Variants in SLC8A2 observed in about 807,000 individuals in gnomAD.
SLC8A2 encodes the protein solute carrier family 8 member A2.
SLC8A2 carries 14 observed loss-of-function variants against 70.2 expected under a neutral mutation model. The observed-to-expected ratio is 0.20, with a 90% CI of 0.13 to 0.31. SLC8A2 has a LOEUF of 0.31. Ranked by LOEUF, SLC8A2 falls within the 10% of genes least tolerant of loss-of-function variation. The pLI, the probability that SLC8A2 is intolerant of heterozygous loss-of-function variation, is 1.00. For synonymous variants in SLC8A2, 575 were observed against 594.3 expected, an observed-to-expected ratio of 0.97 and a Z score of 0.47; for missense variants, 779 against 1,320.1, an observed-to-expected ratio of 0.59 and a Z score of 6.35.
chr19:47,433,368 T>G (rs940508997), intron 8 of SLC8A2, among the ~76,000 whole-genome samples: 2 of 152,104 alleles, frequency 1.3e-5, no homozygotes, highest in Admixed American at 1.3e-4. Context: ...TAGCAACAGC[T>G]ATGGCCTCAG....
In SLC8A2 at chr19:47,439,326, G is replaced by T. The variant is rs192424908; in HGVS notation, c.1886-1353C>A. Among the ~76,000 whole-genome samples, 256 of 152,162 alleles carry T rather than the reference G, an allele frequency of 1.7e-3. 1 individual carries two copies. Among genetic ancestry groups the T allele is most frequent in the African/African-American group, 5.8e-3 (242 of 41,544 alleles). On this transcript the variant is annotated intron_variant, in intron 6 of 9. Transcript: ENST00000236877. ...GTGGATCACCTGAGGTCAGGAGTTC[G>T]AGACCAGCCTGGCCAACATGGTGAA...
At chr19:47,449,774 G>A (rs1447840725) in intron 3 of SLC8A2, among the ~76,000 whole-genome samples, 3 of 152,154 alleles carry the variant, frequency 2.0e-5, no homozygotes, top group Admixed American at 2.0e-4. Context: ...GAGGGAGCCA[G>A]GACGAGAGGG....
Position 47,468,673 on chromosome 19 carries a change from C to T in SLC8A2, c.-16-2254G>A, listed in dbSNP as rs1967493708. Among the ~76,000 whole-genome samples the T allele has an allele frequency of 6.6e-6, 1 of 152,182 alleles. No individual in the cohort carries two copies. Among genetic ancestry groups the T allele is most frequent in the Admixed American group, 6.5e-5 (1 of 15,284 alleles). On this transcript the variant is annotated intron_variant, in intron 1 of 9. Coordinates refer to ENST00000236877, the MANE Select transcript of SLC8A2 (RefSeq NM_015063.3). This position sits in a 1 kb window ranked among gnomAD's most constrained non-coding sequence, Gnocchi z 5.1. ...TGTCAGCTTCCCCAAACACCCCATC[C>T]AAAATGACACCCTCCCCCTCTGGGG...
chr19:47,450,865 G>C (rs146274620), intron 3 of SLC8A2, among the ~76,000 whole-genome samples: 1 of 152,060 alleles, frequency 6.6e-6, no homozygotes, highest in Non-Finnish European at 1.5e-5. Context: ...ATTGATACAG[G>C]GGAAGCACCC....
chr19:47,444,440 C>T (rs1967135012), intron 4 of SLC8A2, among the ~76,000 whole-genome samples: 1 of 152,130 alleles, frequency 6.6e-6, no homozygotes, highest in South Asian at 2.1e-4. Context: ...TTTCAATTTT[C>T]TGTGGGTGGA....
At chr19:47,452,476 G>A (rs572229650) in intron 3 of SLC8A2, among the ~76,000 whole-genome samples, 3,210 of 147,406 alleles carry the variant, frequency 0.022, 166 homozygotes, top group African/African-American at 0.072. Flanking sequence ...GTGTGTGTGT[G>A]TGTGTGTGTG....
At position 47,428,595 on chromosome 19, in the gene SLC8A2, T is replaced by G. The variant is rs1966906890; in HGVS notation, c.*1494A>C. The G allele has an allele frequency of 6.6e-6, 1 of 152,606 alleles. No individual in the cohort carries two copies. Among genetic ancestry groups the G allele is most frequent in the Admixed American group, 6.6e-5 (1 of 15,262 alleles). The allele number at this position is 152,606 out of a possible 1,614,324, so 9.5% of individuals were successfully genotyped here. On this transcript the variant is annotated 3_prime_UTR_variant, in exon 10 of 10. Transcript: ENST00000236877. ...AACCCAGATTACTTGGTTTAACAGT[T>G]GCCCAAATCTCAGTCAGAGACCTTA...
chr19:47,428,187 A>AGGC lies in SLC8A2; in HGVS notation c.*1899_*1901dup. On this transcript the variant is annotated 3_prime_UTR_variant, in exon 10 of 10. Coordinates refer to ENST00000236877, the MANE Select transcript of SLC8A2 (RefSeq NM_015063.3). ...GTGGAAGCCCCTGACTGAAGCAGGA[A>AGGC]GGCGTGGCTGAAGCACGACTGATAA... The AGGC allele has an allele frequency of 6.8e-6, 1 of 146,700 alleles. No homozygotes were observed. Among genetic ancestry groups the AGGC allele is most frequent in the East Asian group, 2.1e-4 (1 of 4,820 alleles). 9.1% of individuals were successfully genotyped at this position (146,700 alleles called of 1,614,324 possible).
chr19:47,433,215 TAGA>T (rs1201461253), intron 8 of SLC8A2, among the ~76,000 whole-genome samples: 2 of 152,058 alleles, frequency 1.3e-5, no homozygotes, highest in Admixed American at 6.6e-5. Context: ...AGTCCACAGC[TAGA>T]AGTATTCACT....
At chr19:47,436,658 C>T (rs1967032519) in intron 8 of SLC8A2, among the ~76,000 whole-genome samples, 4 of 152,158 alleles carry the variant, frequency 2.6e-5, no homozygotes, top group African/African-American at 7.2e-5. Flanking sequence ...CCCTGAGCTC[C>T]GACCTCGGGC....
intron 3 of SLC8A2, among the ~76,000 whole-genome samples, chr19:47,456,213 A>C (rs1967301345): frequency 6.6e-6 from 1 of 152,214 alleles, no homozygotes; most frequent in South Asian, 2.1e-4. Context: ...AAACCACAGA[A>C]ATATAAAGAA....
Position 47,429,758 on chromosome 19 carries a change from A to T in SLC8A2, c.*331T>A. ...GGGTGACCAAGGAGAGAGACCTTAA[A>T]CTCCCCAGGATGGTTACTGGGGGTG... is the stretch of plus-strand genomic sequence containing the variant. On this transcript the variant is annotated 3_prime_UTR_variant, in exon 10 of 10. Transcript: ENST00000236877. 1 of 333,408 alleles carries T rather than the reference A, an allele frequency of 3.0e-6. No homozygotes were observed. Among genetic ancestry groups the T allele is most frequent in the Non-Finnish European group, 5.5e-6 (1 of 182,922 alleles). The allele number at this position is 333,408 out of a possible 1,614,324, so 20.7% of individuals were successfully genotyped here. A position where few individuals can be genotyped will look rare whatever the true frequency, so the allele number is the denominator to read the frequency against.
chr19:47,451,706 A>G, intron 3 of SLC8A2, among the ~76,000 whole-genome samples: 1 of 152,232 alleles, frequency 6.6e-6, no homozygotes, highest in Non-Finnish European at 1.5e-5. Flanking sequence ...AGTGGACATC[A>G]TGTTCCTCCT....
At chr19:47,452,397 G>GGAGAGAGAGAGAGA (rs56184564) in intron 3 of SLC8A2, among the ~76,000 whole-genome samples, 4 of 65,496 alleles carry the variant, frequency 6.1e-5, no homozygotes, top group Admixed American at 4.8e-4. Flanking sequence ...ATATATATAT[G>GGAGAGAGAGAGAGA]GAGAGAGAGA....
In SLC8A2 at chr19:47,465,933, C is replaced by T. The variant is rs775436662; in HGVS notation, c.471G>A (p.Ala157=). Residue 157 remains alanine (A), a synonymous_variant, in exon 2 of 10, where the codon GCG becomes GCA. Transcript: ENST00000236877. The surrounding 1 kb of genome is among the most constrained non-coding windows in gnomAD (Gnocchi z 5.5). ...VIEVCGHNFQ[A]GELGPGTIVG... is the part of the protein sequence containing the mutation. ...CGATGGTGCCTGGGCCCAGCTCACCCGCCTGGAAGTTGTGGCCGCAGACTT... is the reference window on the plus strand; with the variant it reads ...CGATGGTGCCTGGGCCCAGCTCACCTGCCTGGAAGTTGTGGCCGCAGACTT... The T allele has an allele frequency of 1.3e-5, 21 of 1,614,018 alleles. No individual in the cohort carries two copies. In the East Asian group the frequency reaches 1.8e-4, roughly 14 times the overall value.
chr19:47,457,102 C>T lies in SLC8A2; in HGVS notation c.1168G>A (p.Asp390Asn). 4 of 1,558,878 alleles carry T rather than the reference C, an allele frequency of 2.6e-6. No individual in the cohort carries two copies. The highest frequency in any genetic ancestry group is 3.5e-6 in the Non-Finnish European group (4 of 1,152,364). The change falls in exon 3 of 10, where the codon GAC (aspartate) becomes AAC (asparagine). Residue 390 changes from aspartate (D) to asparagine (N), a missense_variant. Asp to Asn is a conservative substitution (Grantham distance 23, BLOSUM62 1). Around this residue, in one of 6 missense-constraint regions of SLC8A2, gnomAD observed 186 missense variants for 246.6 expected, o/e 0.75. Coordinates refer to ENST00000236877, the MANE Select transcript of SLC8A2 (RefSeq NM_015063.3). ...APAEGAGEDE[D>N]DGASRIFFEP... is the part of the protein sequence containing the mutation. ...AAGAAGATGCGGCTGGCGCCGTCGT[C>T]TTCGTCCTCGCCCGCGCCCTCGGCC...
At position 47,466,156 on chromosome 19, in the gene SLC8A2, A is replaced by C; in HGVS notation, c.248T>G (p.Phe83Cys). The change falls in exon 2 of 10, where the codon TTT (phenylalanine) becomes TGT (cysteine). Residue 83 changes from phenylalanine to cysteine, a missense_variant. By Grantham distance (205) the Phe-to-Cys change is radical. Transcript: ENST00000236877. This position sits in a 1 kb window ranked among gnomAD's most constrained non-coding sequence, Gnocchi z 6.9. Reference sequence around the variant, plus strand: ...GTCGGCGATGATGGACACTCCCAGAAACATGTAGACCATGGCCACAAAGTA... The same window carrying C: ...GTCGGCGATGATGGACACTCCCAGACACATGTAGACCATGGCCACAAAGTA... ...VVYFVAMVYMFLGVSIIADRF... is the reference protein window; with the variant it reads ...VVYFVAMVYMCLGVSIIADRF... 6.2e-7 allele frequency: 1 copy of C among 1,614,226 alleles called. No individual in the cohort carries two copies. Among genetic ancestry groups the C allele is most frequent in the African/African-American group, 1.3e-5 (1 of 75,068 alleles).
chr19:47,457,675 T>G (rs959334696), intron 2 of SLC8A2, 81 bp from the exon 3 acceptor site: 1 of 910,870 alleles, frequency 1.1e-6, no homozygotes, highest in Non-Finnish European at 1.6e-6. Flanking sequence ...TCTGTCCGCC[T>G]CTGCCACTCC....
intron 4 of SLC8A2, among the ~76,000 whole-genome samples, chr19:47,445,387 G>C (rs977858146): frequency 4.6e-5 from 7 of 152,122 alleles, no homozygotes; most frequent in Non-Finnish European, 1.0e-4. Context: ...GAGATTACAG[G>C]CATGAGCCAC....
Sources: gnomAD v4.1 joint callset for allele counts (sites outside exome capture counted in the v4.1 genomes callset) on GRCh38, gnomAD v4.1.1 for gene constraint, gnomAD v4.1.1 regional missense constraint, Gnocchi (gnomAD v3.1) non-coding constraint, MANE v1.5 for transcripts, NCBI Gene and HGNC (gene_info 2026-07-23, HGNC 2026-07-21) for gene names.